RAP1GAP: variants seen among roughly 807,000 people sequenced by gnomAD.
RAP1GAP encodes the protein RAP1 GTPase activating protein.
RAP1GAP carries 35 observed loss-of-function variants against 87.2 expected under a neutral mutation model. The ratio of observed to expected loss-of-function variants is 0.40; its 90% CI spans 0.31 to 0.53. RAP1GAP has a LOEUF of 0.53. Among genes scored for constraint, RAP1GAP ranks in the 20% least tolerant of loss-of-function variants. RAP1GAP has a pLI of 0.48. For missense variants in RAP1GAP, 734 were observed against 898.9 expected, an observed-to-expected ratio of 0.82 and a Z score of 2.35; for synonymous variants, 375 against 363.9, an observed-to-expected ratio of 1.03 and a Z score of -0.35.
chr1:21,620,072 G>A (rs1451191728), intron 3 of RAP1GAP, 22 bp from the exon 4 acceptor site: 1 of 1,613,498 alleles, frequency 6.2e-7, no homozygotes, highest in Admixed American at 1.7e-5. Flanking sequence ...ACAGGGGAGA[G>A]CGAGGTCAGC....
At chr1:21,630,466 G>C (rs1353328124) in intron 2 of RAP1GAP, among the ~76,000 whole-genome samples, 1 of 151,710 alleles carries the variant, frequency 6.6e-6, no homozygotes, top group African/African-American at 2.4e-5. Flanking sequence ...ATGTTACCCA[G>C]GCTGGTCTGG....
rs1407154908 is a variant in RAP1GAP at position 21,615,698 on chromosome 1, T to C, written c.291+1608A>G. Among the ~76,000 whole-genome samples, 1 of 152,170 alleles carries C rather than the reference T, an allele frequency of 6.6e-6. No individual in the cohort carries two copies. The highest frequency in any genetic ancestry group is 1.5e-5 in the Non-Finnish European group (1 of 68,012). ...TAAGCCAGGGCGCCCAGCTGCCTCTTCTGACCCTCCAGTCTGCACTTCTTC... is the reference window on the plus strand; with the variant it reads ...TAAGCCAGGGCGCCCAGCTGCCTCTCCTGACCCTCCAGTCTGCACTTCTTC... On this transcript the variant is annotated intron_variant, in intron 7 of 24. Coordinates refer to ENST00000374765, the MANE Select transcript of RAP1GAP (RefSeq NM_002885.4). The surrounding 1 kb of genome is among the most constrained non-coding windows in gnomAD (Gnocchi z 4.5).
At chr1:21,666,677 A>C (rs829377) in intron 1 of RAP1GAP, among the ~76,000 whole-genome samples, 137,231 of 152,144 alleles carry the variant, frequency 0.9, 61,985 homozygotes, top group South Asian at 0.95. Flanking sequence ...ATGAAGCATT[A>C]ACATCCCACA....
intron 3 of RAP1GAP, among the ~76,000 whole-genome samples, chr1:21,624,859 G>A (rs113526267): frequency 4.0e-5 from 6 of 148,278 alleles, no homozygotes; most frequent in South Asian, 2.2e-4. Flanking sequence ...TCTCTCTCTC[G>A]TCTCCTGATG....
chr1:21,641,509 C>CCTTAG, intron 2 of RAP1GAP, among the ~76,000 whole-genome samples: 1 of 152,340 alleles, frequency 6.6e-6, no homozygotes, highest in South Asian at 2.1e-4. Context: ...TCTGAAGCTA[C>CCTTAG]CTTAGCTGTC....
rs1244694740 is a variant in RAP1GAP at position 21,603,477 on chromosome 1, G to A, written c.1429-564C>T. 1.2e-5 allele frequency: 7 copies of A among 589,346 alleles called. No homozygotes were observed. The South Asian group carries it at 1.2e-4, about 10-fold the overall frequency. 36.5% of individuals were successfully genotyped at this position (589,346 alleles called of 1,614,324 possible). ...AGGACCCCAGGTCACTTCGTGGCGGGGAGGAGGAGTCAGGGCAGAGGAGAG... is the reference window on the plus strand; with the variant it reads ...AGGACCCCAGGTCACTTCGTGGCGGAGAGGAGGAGTCAGGGCAGAGGAGAG... On this transcript the variant is annotated intron_variant, in intron 18 of 24. Transcript: ENST00000374765. The surrounding 1 kb of genome is among the most constrained non-coding windows in gnomAD (Gnocchi z 6.0).
chr1:21,617,028 G>A (rs1244941716), intron 7 of RAP1GAP, among the ~76,000 whole-genome samples: 1 of 152,244 alleles, frequency 6.6e-6, no homozygotes, highest in Non-Finnish European at 1.5e-5. Flanking sequence ...GTCCTGTGTA[G>A]TGGGTGGCAG....
chr1:21,630,895 C>T (rs1365185232), intron 2 of RAP1GAP, among the ~76,000 whole-genome samples: 3 of 152,018 alleles, frequency 2.0e-5, no homozygotes, highest in Admixed American at 6.6e-5. Context: ...AAAGCCTCTT[C>T]CCTCCTCACC....
At chr1:21,600,661 C>T (rs2067414316) in intron 20 of RAP1GAP, among the ~76,000 whole-genome samples, 2 of 152,110 alleles carry the variant, frequency 1.3e-5, no homozygotes, top group East Asian at 1.9e-4. Flanking sequence ...CTGAGGCGGG[C>T]GGATCACGAG....
At chr1:21,600,540 C>A (rs753352544) in intron 20 of RAP1GAP, among the ~76,000 whole-genome samples, 2 of 152,142 alleles carry the variant, frequency 1.3e-5, no homozygotes, top group East Asian at 1.9e-4. Context: ...CTTAAAGCAT[C>A]GCCCTCGTAA....
At chr1:21,663,113 C>T (rs1474701374) in intron 1 of RAP1GAP, among the ~76,000 whole-genome samples, 4 of 152,208 alleles carry the variant, frequency 2.6e-5, no homozygotes, top group African/African-American at 9.6e-5. Flanking sequence ...AGAGCCCACA[C>T]CTCTCCAGCC....
rs1442266855 is a variant in RAP1GAP, at chr1:21,622,510, C to A, written c.-18-2460G>T. On this transcript the variant is annotated intron_variant, in intron 3 of 24. Coordinates refer to ENST00000374765, the MANE Select transcript of RAP1GAP (RefSeq NM_002885.4). The surrounding 1 kb of genome is among the most constrained non-coding windows in gnomAD (Gnocchi z 5.7). ...GCGCCCGGGTCCGGGCCCCGCAGCGCTGAGCTCCGCGCTCCCGGCTCCCGG... is the reference window on the plus strand; with the variant it reads ...GCGCCCGGGTCCGGGCCCCGCAGCGATGAGCTCCGCGCTCCCGGCTCCCGG... The A allele has an allele frequency of 6.6e-6, 1 of 151,418 alleles. No homozygotes were observed. Among genetic ancestry groups the A allele is most frequent in the African/African-American group, 2.4e-5 (1 of 40,960 alleles). 9.4% of individuals were successfully genotyped at this position (151,418 alleles called of 1,614,324 possible).
At chr1:21,629,709 C>G (rs2093330071) in intron 2 of RAP1GAP, among the ~76,000 whole-genome samples, 1 of 152,240 alleles carries the variant, frequency 6.6e-6, no homozygotes, top group Non-Finnish European at 1.5e-5. Context: ...AAAGCCACGT[C>G]CTGCCGGGCG....
Position 21,596,879 on chromosome 1 carries a change from A to G in RAP1GAP, c.*420T>C, listed in dbSNP as rs530250798. Reference sequence around the variant, plus strand: ...CAGTGCTCACTCCCCCACATATCACATCCTCCTTGTGCTGCCTCCAGGGGC... The same window carrying G: ...CAGTGCTCACTCCCCCACATATCACGTCCTCCTTGTGCTGCCTCCAGGGGC... On this transcript the variant is annotated 3_prime_UTR_variant, in exon 25 of 25. Coordinates refer to ENST00000374765, the MANE Select transcript of RAP1GAP (RefSeq NM_002885.4). The G allele has an allele frequency of 6.6e-6, 1 of 152,366 alleles. No individual in the cohort carries two copies. The highest frequency in any genetic ancestry group is 1.5e-5 in the Non-Finnish European group (1 of 68,142). 9.4% of individuals were successfully genotyped at this position (152,366 alleles called of 1,614,324 possible). A position where few individuals can be genotyped will look rare whatever the true frequency, so the allele number is the denominator to read the frequency against.
At chr1:21,598,844 T>C (rs1416870178) in intron 21 of RAP1GAP, among the ~76,000 whole-genome samples, 1 of 152,258 alleles carries the variant, frequency 6.6e-6, no homozygotes, top group African/African-American at 2.4e-5. Context: ...ATTGCAATTC[T>C]AGACTCTGTG....
chr1:21,656,837 C>T (rs142149273), intron 1 of RAP1GAP, among the ~76,000 whole-genome samples: 2 of 152,340 alleles, frequency 1.3e-5, no homozygotes, highest in Middle Eastern at 3.4e-3. Context: ...GGATGTGTTT[C>T]TCATCTCCAT....
chr1:21,667,108 T>G (rs539557712), intron 1 of RAP1GAP, among the ~76,000 whole-genome samples: 100 of 151,470 alleles, frequency 6.6e-4, no homozygotes, highest in African/African-American at 2.2e-3. Context: ...GCACAGCACA[T>G]GCGGCTGCTC....
chr1:21,610,785 A>ACATT (rs1272521939), intron 13 of RAP1GAP, among the ~76,000 whole-genome samples: 1 of 152,214 alleles, frequency 6.6e-6, no homozygotes, highest in Non-Finnish European at 1.5e-5. Context: ...AACTTGGTAT[A>ACATT]CATTCATGTT....
intron 1 of RAP1GAP, among the ~76,000 whole-genome samples, chr1:21,664,639 G>A (rs1470190120): frequency 6.6e-6 from 1 of 152,192 alleles, no homozygotes; most frequent in Non-Finnish European, 1.5e-5. Flanking sequence ...GACTCCTCAA[G>A]GAGGAAACTT....
Sources: gnomAD v4.1 joint callset for allele counts (sites outside exome capture counted in the v4.1 genomes callset) on GRCh38, gnomAD v4.1.1 for gene constraint, Gnocchi (gnomAD v3.1) non-coding constraint, MANE v1.5 for transcripts, NCBI Gene and HGNC (gene_info 2026-07-23, HGNC 2026-07-21) for gene names.